FER: variants seen among roughly 807,000 people sequenced by gnomAD.
FER encodes tyrosine-protein kinase Fer.
In FER, 63 loss-of-function variants were observed where a neutral mutation model predicts 111.0. The ratio of observed to expected loss-of-function variants is 0.57; its 90% CI spans 0.46 to 0.70. The LOEUF (loss-of-function observed/expected upper bound fraction) is 0.70, where lower values mean the gene tolerates loss of function less well. FER is among the 30% of genes least tolerant of loss of function. The pLI is 0.00. For synonymous variants in FER, 327 were observed against 313.9 expected (o/e 1.04, Z -0.44); for missense variants, 914 against 954.0 (o/e 0.96, Z 0.55).
chr5:109,019,155 G>A (rs899297721), intron 13 of FER, among the ~76,000 whole-genome samples: 4 of 151,502 alleles, frequency 2.6e-5, no homozygotes, highest in Non-Finnish European at 4.4e-5. Context: ...TTTTGGTTTT[G>A]GATTAAGAGA....
At chr5:108,985,201 TA>T (rs928202633) in intron 13 of FER, among the ~76,000 whole-genome samples, 2 of 152,168 alleles carry the variant, frequency 1.3e-5, no homozygotes, top group Admixed American at 6.5e-5. Context: ...AAAATAAATG[TA>T]AAGTATGACA....
intron 5 of FER, among the ~76,000 whole-genome samples, chr5:108,855,493 C>T (rs1196671173): frequency 2.6e-5 from 4 of 150,958 alleles, no homozygotes; most frequent in African/African-American, 4.9e-5. Flanking sequence ...CGGTGGTGGG[C>T]GCCTGTAGTC....
intron 1 of FER, among the ~76,000 whole-genome samples, chr5:108,760,937 CT>C (rs55751843): frequency 0.13 from 19,573 of 147,184 alleles, 1,425 homozygotes; most frequent in Non-Finnish European, 0.18. Context: ...CTTTTCTTTT[CT>C]TTTTTTTTTT....
chr5:108,897,939 A>G (rs1297272299), intron 10 of FER, 91 bp downstream of exon 10: 1 of 1,175,914 alleles, frequency 8.5e-7, no homozygotes, highest in Non-Finnish European at 1.2e-6. Context: ...GCTATAACAA[A>G]TTGTTACTCT....
At position 108,777,850 on chromosome 5, in the gene FER, G is replaced by A. The variant is rs565202421; in HGVS notation, c.-60+9612G>A. ...CCCATTTTTAAAACCATCAGATCTC[G>A]TGAGACCCATTCACGATCAAGAGAA... On this transcript the variant is annotated intron_variant, in intron 2 of 19. Coordinates refer to ENST00000281092, the MANE Select transcript of FER (RefSeq NM_005246.4). 2.5e-3 allele frequency among the ~76,000 whole-genome samples: 375 copies of A among 152,204 alleles called. 3 individuals are homozygous for A. The highest frequency in any genetic ancestry group is 8.7e-3 in the African/African-American group (361 of 41,502).
chr5:109,138,418 T>C (rs993515439), intron 17 of FER, among the ~76,000 whole-genome samples: 4 of 152,168 alleles, frequency 2.6e-5, no homozygotes, highest in Non-Finnish European at 5.9e-5. Context: ...GGTGGTGATA[T>C]GTGTGTTAAT....
chr5:109,004,218 G>A (rs1765209398), intron 13 of FER, among the ~76,000 whole-genome samples: 1 of 152,044 alleles, frequency 6.6e-6, no homozygotes. Flanking sequence ...AAACATTTAT[G>A]TCCTCAGTTT....
At chr5:108,886,304 TAA>T (rs1747146448) in intron 9 of FER, among the ~76,000 whole-genome samples, 1 of 151,506 alleles carries the variant, frequency 6.6e-6, no homozygotes, top group Non-Finnish European at 1.5e-5. Context: ...AGAATGGATA[TAA>T]GAGAGGAGCC....
rs1249267322 is a variant in FER, at chr5:108,753,662, TA to T, written c.-206+5663del. Reference sequence around the variant, plus strand: ...AAATTTAATAATACCCTTATTTGTATATTAGTTGTGTCTTTTCCACCTCCTA... The same window carrying T: ...AAATTTAATAATACCCTTATTTGTATTTAGTTGTGTCTTTTCCACCTCCTA... On this transcript the variant is annotated intron_variant, in intron 1 of 19. Transcript: ENST00000281092. Among the ~76,000 whole-genome samples, 3 of 152,256 alleles carry T rather than the reference TA, an allele frequency of 2.0e-5. No homozygotes were observed. In the South Asian group the frequency reaches 6.2e-4, roughly 31 times the overall value.
chr5:109,081,082 CT>C (rs1776935739), intron 16 of FER, among the ~76,000 whole-genome samples: 1 of 152,068 alleles, frequency 6.6e-6, no homozygotes, highest in Non-Finnish European at 1.5e-5. Flanking sequence ...CTAGAATGGA[CT>C]TTAGACAGCA....
At chr5:108,833,886 A>T (rs929596362) in intron 4 of FER, among the ~76,000 whole-genome samples, 1 of 152,140 alleles carries the variant, frequency 6.6e-6, no homozygotes, top group Non-Finnish European at 1.5e-5. Context: ...AAAAAAAAAA[A>T]AAATGTAACT....
chr5:108,960,330 T>G (rs1042127324), intron 13 of FER, among the ~76,000 whole-genome samples: 2 of 152,056 alleles, frequency 1.3e-5, no homozygotes, highest in African/African-American at 4.8e-5. Flanking sequence ...ACTGAGAGGG[T>G]GACCTTTAAT....
intron 13 of FER, among the ~76,000 whole-genome samples, chr5:108,988,111 T>G (rs773747988): frequency 6.6e-6 from 1 of 152,178 alleles, no homozygotes; most frequent in African/African-American, 2.4e-5. Context: ...TTGTGTATGT[T>G]GAACCATCCC....
intron 2 of FER, among the ~76,000 whole-genome samples, chr5:108,794,526 A>ACCCCCCCCCC (rs138716410): frequency 1.5e-3 from 156 of 106,266 alleles, no homozygotes; most frequent in African/African-American, 2.1e-3. Context: ...CCCCCTCCGC[A>ACCCCCCCCCC]CCCCCCCCCC....
intron 17 of FER, among the ~76,000 whole-genome samples, chr5:109,109,348 C>A (rs1749322763): frequency 6.6e-6 from 1 of 152,082 alleles, no homozygotes; most frequent in African/African-American, 2.4e-5. Flanking sequence ...TTTATATAGA[C>A]ACATATGTAA....
intron 8 of FER, among the ~76,000 whole-genome samples, chr5:108,879,693 T>TAAAAAAAA (rs59305064): frequency 8.6e-6 from 1 of 116,688 alleles, no homozygotes; most frequent in African/African-American, 3.8e-5. Flanking sequence ...TTTTTTAGAT[T>TAAAAAAAA]AAAAAAAAAT....
chr5:108,841,973 G>A (rs1456625845), intron 5 of FER: 2 of 167,296 alleles, frequency 1.2e-5, no homozygotes, highest in Non-Finnish European at 2.6e-5. Context: ...GAGATAACCT[G>A]AGAAATTTTA....
rs143617579 is a variant in FER, at chr5:109,028,569, A to G, written c.1657-8853A>G. ...TATGGGTTCAAACATTGTTTCTGCC[A>G]TTTGCTGTCAGAGTAGCCTGTCTCT... On this transcript the variant is annotated intron_variant, in intron 13 of 19. Coordinates refer to ENST00000281092, the MANE Select transcript of FER (RefSeq NM_005246.4). Among the ~76,000 whole-genome samples, 9 of 152,270 alleles carry G rather than the reference A, an allele frequency of 5.9e-5. No homozygotes were observed. In the East Asian group the frequency reaches 1.7e-3, roughly 29 times the overall value.
intron 10 of FER, chr5:108,924,490 T>C (rs553827364): frequency 1.4e-6 from 1 of 728,404 alleles, no homozygotes; most frequent in African/African-American, 1.8e-5. Flanking sequence ...TATCTGTTCC[T>C]TTAATCCAGA....
Sources: gnomAD v4.1 joint callset for allele counts (sites outside exome capture counted in the v4.1 genomes callset) on GRCh38, gnomAD v4.1.1 for gene constraint, MANE v1.5 for transcripts, NCBI Gene and HGNC (gene_info 2026-07-23, HGNC 2026-07-21) for gene names.